The following CASTOR2 variants were observed in gnomAD, a reference collection of about 807,000 sequenced individuals.
CASTOR2 encodes cytosolic arginine sensor for mTORC1 subunit 2.
Under a neutral mutation model 31.2 loss-of-function variants are expected in CASTOR2, and 8 were observed. The ratio of observed to expected loss-of-function variants is 0.26; its 90% CI spans 0.15 to 0.46. CASTOR2 has a LOEUF of 0.46. Ranked by LOEUF, CASTOR2 falls within the 20% of genes least tolerant of loss-of-function variation. The pLI, the probability that CASTOR2 is intolerant of heterozygous loss-of-function variation, is 0.99. For missense variants in CASTOR2, 216 were observed against 382.1 expected (o/e 0.57, Z 3.62); for synonymous variants, 162 against 158.7 (o/e 1.02, Z -0.16).
intron 1 of CASTOR2, among the ~76,000 whole-genome samples, chr7:74,985,939 T>G (rs1469652389): frequency 6.6e-6 from 1 of 152,062 alleles, no homozygotes; most frequent in Non-Finnish European, 1.5e-5. Flanking sequence ...TTTATTTGGA[T>G]TTTTTTGAGA....
In CASTOR2 at chr7:75,024,830, T is replaced by C. The variant is rs976036206; in HGVS notation, c.*131T>C. 3.1e-5 allele frequency: 48 copies of C among 1,546,268 alleles called. No homozygotes were observed. The highest frequency in any genetic ancestry group is 4.1e-5 in the Non-Finnish European group (47 of 1,145,276). On this transcript the variant is annotated 3_prime_UTR_variant, in exon 9 of 9. Transcript: ENST00000616305. ...TGAGGAAGGGGCCTCTGTGGGAGAC[T>C]CCCTCGATTGCCAATCCCTCCAGGG...
intron 1 of CASTOR2, among the ~76,000 whole-genome samples, chr7:74,998,641 A>G (rs1804415918): frequency 6.6e-6 from 1 of 150,404 alleles, no homozygotes; most frequent in Admixed American, 6.6e-5. Context: ...GAAGTGATTA[A>G]TCTCAGTACT....
rs1430876274 is a variant in CASTOR2, at chr7:75,018,159, C to T, written c.511+37C>T. 8.1e-6 allele frequency: 13 copies of T among 1,606,240 alleles called. No homozygotes were observed. The Admixed American group carries it at 1.9e-4, about 23-fold the overall frequency. ...GCGGGGGTTTGTGCAGGGGAAACCT[C>T]ACGAAGTTACCAGGCCCAGCCGCAG... On this transcript the variant is annotated intron_variant, in intron 4 of 8. Coordinates refer to ENST00000616305, the MANE Select transcript of CASTOR2 (RefSeq NM_001145064.3).
At chr7:75,019,896 A>G (rs1804952755) in intron 5 of CASTOR2, 143 bp from the exon 6 acceptor site, 1 of 703,220 alleles carries the variant, frequency 1.4e-6, no homozygotes, top group Non-Finnish European at 2.4e-6. Flanking sequence ...TCCCCGTGGC[A>G]TAGCGAGCAG....
rs1584474324 is a variant in CASTOR2, at chr7:75,012,228, G to T, written c.184+4164G>T. Among the ~76,000 whole-genome samples, 4 of 152,288 alleles carry T rather than the reference G, an allele frequency of 2.6e-5. No individual in the cohort carries two copies. In the East Asian group the frequency reaches 7.7e-4, roughly 29 times the overall value. Reference sequence around the variant, plus strand: ...GGCAGGATTTGGGGTGGGCCTAGGGGCTGCAGTATGAGGCTAGGAGGACAA... The same window carrying T: ...GGCAGGATTTGGGGTGGGCCTAGGGTCTGCAGTATGAGGCTAGGAGGACAA... On this transcript the variant is annotated intron_variant, in intron 2 of 8. Transcript: ENST00000616305.
rs1289260945 is a variant in CASTOR2, at chr7:75,021,922, G to A, written c.795G>A (p.Lys265=). The A allele has an allele frequency of 1.9e-6, 3 of 1,551,716 alleles. No individual in the cohort carries two copies. The highest frequency in any genetic ancestry group is 2.6e-6 in the Non-Finnish European group (3 of 1,146,910). Residue 265 remains lysine (K), a synonymous_variant, in exon 7 of 9, where the codon AAG becomes AAA. Coordinates refer to ENST00000616305, the MANE Select transcript of CASTOR2 (RefSeq NM_001145064.3). ...LFTSASGELW[K]MVRIGGQPLG... ...CAAGCGCATCCGGAGAGCTCTGGAA[G>A]ATGGTCCGGATTGGAGGACAGCCCC...
intron 2 of CASTOR2, among the ~76,000 whole-genome samples, chr7:75,012,805 AT>A: frequency 6.9e-6 from 1 of 145,370 alleles, no homozygotes; most frequent in African/African-American, 2.6e-5. Flanking sequence ...TGCCCAGCTA[AT>A]TTTTGTATTT....
chr7:75,005,366 C>T (rs1260131919), intron 1 of CASTOR2, among the ~76,000 whole-genome samples: 3 of 151,920 alleles, frequency 2.0e-5, no homozygotes, highest in Non-Finnish European at 4.4e-5. Context: ...AGCTTGGCTG[C>T]TTTAACTTAG....
chr7:74,992,292 C>CGGAA lies in CASTOR2; in HGVS notation c.114-15702_114-15701insGGAA, dbSNP rs1554437427. ...TCTATTCCATGCTAAAAGTCTTTCC[C>CGGAA]CTTAAGATGCTAATCAAGGAACTGT... On this transcript the variant is annotated intron_variant, in intron 1 of 8. Coordinates refer to ENST00000616305, the MANE Select transcript of CASTOR2 (RefSeq NM_001145064.3). Among the ~76,000 whole-genome samples the CGGAA allele has an allele frequency of 3.4e-3, 511 of 152,208 alleles. 5 individuals are homozygous for CGGAA. Among genetic ancestry groups the CGGAA allele is most frequent in the African/African-American group, 0.012 (487 of 41,538 alleles).
At chr7:75,014,757 C>T (rs1804829972) in intron 2 of CASTOR2, among the ~76,000 whole-genome samples, 2 of 152,198 alleles carry the variant, frequency 1.3e-5, no homozygotes, top group African/African-American at 4.8e-5. Flanking sequence ...CCCACGTTTC[C>T]AGCTGGTCTC....
At chr7:75,009,118 G>A (rs1385707161) in intron 2 of CASTOR2, among the ~76,000 whole-genome samples, 8 of 151,822 alleles carry the variant, frequency 5.3e-5, no homozygotes, top group South Asian at 2.1e-4. Flanking sequence ...CGCCACGCCC[G>A]GCTAATGTTT....
intron 2 of CASTOR2, among the ~76,000 whole-genome samples, chr7:75,014,531 G>T (rs1244458382): frequency 6.6e-6 from 1 of 152,012 alleles, no homozygotes; most frequent in Admixed American, 6.6e-5. Flanking sequence ...GGCAGAGGTT[G>T]CAGTGAGCCG....
chr7:74,974,427 G>C (rs1462782638), intron 1 of CASTOR2, among the ~76,000 whole-genome samples: 18 of 150,888 alleles, frequency 1.2e-4, no homozygotes, highest in Admixed American at 5.9e-4. Context: ...GAGAGGACCA[G>C]AGGCCCACAC....
At chr7:74,989,001 C>T (rs1804140644) in intron 1 of CASTOR2, among the ~76,000 whole-genome samples, 1 of 149,420 alleles carries the variant, frequency 6.7e-6, no homozygotes, top group Non-Finnish European at 1.5e-5. Context: ...TGCTCTGTCA[C>T]CCAGGCTGGA....
intron 1 of CASTOR2, among the ~76,000 whole-genome samples, chr7:74,995,809 GAA>G (rs1187160895): frequency 7.6e-6 from 1 of 131,030 alleles, no homozygotes; most frequent in African/African-American, 2.8e-5. Context: ...CTCCATCTCA[GAA>G]AAAAAAAAAA....
chr7:75,013,717 G>A (rs1804803627), intron 2 of CASTOR2, among the ~76,000 whole-genome samples: 1 of 152,064 alleles, frequency 6.6e-6, no homozygotes, highest in African/African-American at 2.4e-5. Context: ...GGTTGTATAT[G>A]TGTATATTCC....
intron 7 of CASTOR2, among the ~76,000 whole-genome samples, 171 bp from the exon 8 acceptor site, chr7:75,024,269 G>A (rs1394393722): frequency 6.6e-6 from 1 of 152,146 alleles, no homozygotes; most frequent in Non-Finnish European, 1.5e-5. Flanking sequence ...CAGCCTGGGC[G>A]ATGGAGCGAG....
At chr7:74,990,376 C>G (rs1554437177) in intron 1 of CASTOR2, among the ~76,000 whole-genome samples, 1 of 113,528 alleles carries the variant, frequency 8.8e-6, no homozygotes, top group East Asian at 3.4e-4. Flanking sequence ...TGGCGAGACT[C>G]TATCTCAAAA....
intron 1 of CASTOR2, among the ~76,000 whole-genome samples, chr7:74,992,532 T>C (rs1804236398): frequency 6.6e-6 from 1 of 152,058 alleles, no homozygotes; most frequent in Non-Finnish European, 1.5e-5. Flanking sequence ...CTCTGCCTCC[T>C]GGGTTCGAGC....
Sources: gnomAD v4.1 joint callset for allele counts (sites outside exome capture counted in the v4.1 genomes callset) on GRCh38, gnomAD v4.1.1 for gene constraint, MANE v1.5 for transcripts, NCBI Gene and HGNC (gene_info 2026-07-23, HGNC 2026-07-21) for gene names.